Variants in CALN1 observed in about 807,000 individuals in gnomAD.
The protein encoded by CALN1 is calneuron 1, also known as calcium-binding protein 8.
A neutral mutation model predicts 30.6 loss-of-function variants in CALN1; 17 were observed. That is an observed-to-expected ratio of 0.56 (90% CI 0.38 to 0.83). CALN1 has a LOEUF of 0.83. Among genes scored for constraint, CALN1 ranks in the 40% least tolerant of loss-of-function variants. CALN1 has a pLI of 0.00. For missense variants in CALN1, 291 were observed against 354.9 expected (o/e 0.82, Z 1.45); for synonymous variants, 156 against 131.4 (o/e 1.19, Z -1.28).
At chr7:72,278,110 G>C (rs1797474176) in intron 3 of CALN1, among the ~76,000 whole-genome samples, 1 of 151,606 alleles carries the variant, frequency 6.6e-6, no homozygotes, top group African/African-American at 2.4e-5. Context: ...CACGTTCCCA[G>C]GTTTATGTCC....
At chr7:72,191,018 G>A (rs148591689) in intron 3 of CALN1, among the ~76,000 whole-genome samples, 52 of 152,252 alleles carry the variant, frequency 3.4e-4, no homozygotes, top group African/African-American at 9.9e-4. Flanking sequence ...AACTCAAAGC[G>A]ACTATTGTAC....
chr7:72,389,993 G>T (rs1805473864), intron 2 of CALN1, among the ~76,000 whole-genome samples: 1 of 151,846 alleles, frequency 6.6e-6, no homozygotes, highest in South Asian at 2.1e-4. Context: ...TTTGATATTT[G>T]CCAAAATATT....
intron 3 of CALN1, among the ~76,000 whole-genome samples, chr7:72,215,580 C>T (rs1244615187): frequency 2.4e-5 from 3 of 122,754 alleles, no homozygotes; most frequent in South Asian, 2.6e-4. Context: ...GTGACAAGAG[C>T]GAAACTCCTG....
chr7:72,209,018 T>TTCCG (rs1792115620), intron 3 of CALN1, among the ~76,000 whole-genome samples: 1 of 38,284 alleles, frequency 2.6e-5, no homozygotes, highest in Non-Finnish European at 4.7e-5. Flanking sequence ...CCCTCTTTCC[T>TTCCG]TCCTTCCCTC....
rs199789920 is a variant in CALN1 at position 71,810,290 on chromosome 7, T to C, written c.658+46A>G. The stretch of plus-strand genomic sequence containing the variant: ...TTTTTCATATAGAGAGTGTGGTGCA[T>C]TGGCCTGTCCCGGACCGGGGAGGGG... On this transcript the variant is annotated intron_variant, in intron 6 of 6. Coordinates refer to ENST00000395275, the MANE Select transcript of CALN1 (RefSeq NM_031468.4). 113 of 1,593,692 alleles carry C rather than the reference T, an allele frequency of 7.1e-5. 2 individuals carry two copies. In the East Asian group the frequency reaches 1.2e-3, roughly 17 times the overall value.
At chr7:72,154,834 C>A (rs1787538291) in intron 3 of CALN1, among the ~76,000 whole-genome samples, 1 of 152,042 alleles carries the variant, frequency 6.6e-6, no homozygotes, top group Non-Finnish European at 1.5e-5. Flanking sequence ...TTACTTGAGC[C>A]TAGGAGTTGG....
At chr7:72,457,273 T>C in the CALN1 span, among the ~76,000 whole-genome samples, 1 of 152,164 alleles carries the variant, frequency 6.6e-6, no homozygotes, top group Non-Finnish European at 1.5e-5. Flanking sequence ...CTTTTTAACA[T>C]GCAAAACATT....
rs140911784 is a variant in CALN1, at chr7:71,926,881, C to T, written c.501+96776G>A. ...TTATAACTTCTGTTGAAATTCTCCA[C>T]CATGCATATTGCCTACTTTTTCCAT... On this transcript the variant is annotated intron_variant, in intron 5 of 6. Coordinates refer to ENST00000395275, the MANE Select transcript of CALN1 (RefSeq NM_031468.4). 1.7e-4 allele frequency among the ~76,000 whole-genome samples: 26 copies of T among 152,230 alleles called. No homozygotes were observed. In the East Asian group the frequency reaches 4.6e-3, roughly 27 times the overall value.
chr7:72,242,903 A>G (rs1794930272), intron 3 of CALN1, among the ~76,000 whole-genome samples: 1 of 152,198 alleles, frequency 6.6e-6, no homozygotes, highest in South Asian at 2.1e-4. Flanking sequence ...TAAAATTAAA[A>G]TTAAAAAATA....
intron 3 of CALN1, among the ~76,000 whole-genome samples, chr7:72,236,438 T>C (rs1005717486): frequency 6.6e-6 from 1 of 152,186 alleles, no homozygotes; most frequent in Non-Finnish European, 1.5e-5. Context: ...CAAGTTCTAC[T>C]GACAACAGTC....
At chr7:72,281,892 C>G (rs766994570) in intron 2 of CALN1, among the ~76,000 whole-genome samples, 1 of 152,124 alleles carries the variant, frequency 6.6e-6, no homozygotes, top group African/African-American at 2.4e-5. Flanking sequence ...GCAGAGAAAA[C>G]TGGTCACAAC....
At chr7:72,501,535 GGAAA>G in the CALN1 span, among the ~76,000 whole-genome samples, 5 of 142,600 alleles carry the variant, frequency 3.5e-5, no homozygotes, top group Non-Finnish European at 7.6e-5. Flanking sequence ...AAGAAGGAAA[GGAAA>G]GGAAGGAGGG....
chr7:71,875,152 C>T (rs1465894665), intron 5 of CALN1, among the ~76,000 whole-genome samples: 2 of 102,834 alleles, frequency 1.9e-5, no homozygotes, highest in African/African-American at 4.0e-5. Flanking sequence ...GTAAAGGAGA[C>T]TCTGTCTCAA....
At chr7:72,344,202 A>G (rs1028119388) in intron 2 of CALN1, among the ~76,000 whole-genome samples, 2 of 152,010 alleles carry the variant, frequency 1.3e-5, no homozygotes, top group Non-Finnish European at 2.9e-5. Flanking sequence ...CTTCCCAGAG[A>G]AGGCTACAGA....
chr7:72,011,390 G>A (rs1454819289), intron 5 of CALN1, among the ~76,000 whole-genome samples: 1 of 152,066 alleles, frequency 6.6e-6, no homozygotes, highest in African/African-American at 2.4e-5. Flanking sequence ...TGGCTGCACC[G>A]TTGAACCTCT....
At chr7:72,384,015 C>T (rs1562936857) in intron 2 of CALN1, among the ~76,000 whole-genome samples, 1 of 152,172 alleles carries the variant, frequency 6.6e-6, no homozygotes, top group African/African-American at 2.4e-5. Context: ...TTTATTGCAG[C>T]ACTATTTACA....
chr7:72,019,153 G>A (rs1454003693), intron 5 of CALN1, among the ~76,000 whole-genome samples: 1 of 151,942 alleles, frequency 6.6e-6, no homozygotes, highest in Non-Finnish European at 1.5e-5. Flanking sequence ...GTCTGGCCTG[G>A]AAGAAGGATT....
At chr7:72,008,757 G>A (rs1799914592) in intron 5 of CALN1, among the ~76,000 whole-genome samples, 1 of 150,892 alleles carries the variant, frequency 6.6e-6, no homozygotes, top group Non-Finnish European at 1.5e-5. Context: ...CCGGGTTCAA[G>A]TGATTCTCCT....
intron 5 of CALN1, among the ~76,000 whole-genome samples, chr7:71,850,392 T>TG (rs1316205526): frequency 6.6e-6 from 1 of 151,728 alleles, no homozygotes; most frequent in Non-Finnish European, 1.5e-5. Flanking sequence ...ATTTTTGTAT[T>TG]TTTTTAGTAG....
Sources: allele counts gnomAD v4.1 joint callset (sites outside exome capture counted in the v4.1 genomes callset), GRCh38; gene constraint gnomAD v4.1.1; transcripts MANE v1.5; gene names NCBI Gene and HGNC (gene_info 2026-07-23, HGNC 2026-07-21).